The following SKAP1 variants were observed in gnomAD, a reference collection of about 807,000 sequenced individuals.
SKAP1 encodes the protein src kinase associated phosphoprotein 1.
SKAP1 carries 44 observed loss-of-function variants against 58.5 expected under a neutral mutation model. That is an observed-to-expected ratio of 0.75 (90% CI 0.59 to 0.97). SKAP1 has a LOEUF of 0.97. Among genes scored for constraint, SKAP1 ranks in the 50% least tolerant of loss-of-function variants. SKAP1 has a pLI of 0.00. For synonymous variants in SKAP1, 127 were observed against 149.7 expected (o/e 0.85, Z 1.11); for missense variants, 390 against 435.2 (o/e 0.90, Z 0.92).
At chr17:48,242,529 A>T (rs1420220818) in intron 4 of SKAP1, among the ~76,000 whole-genome samples, 1 of 152,212 alleles carries the variant, frequency 6.6e-6, no homozygotes, top group East Asian at 1.9e-4. Context: ...AAAGGGAACA[A>T]ACCCTCAACA....
intron 4 of SKAP1, among the ~76,000 whole-genome samples, chr17:48,291,770 CTCA>C (rs78213379): frequency 0.03 from 4,502 of 152,234 alleles, 108 homozygotes; most frequent in Non-Finnish European, 0.047. Flanking sequence ...ACAAGTCTGC[CTCA>C]TCATTAAGAA....
chr17:48,410,934 CAAAAAAAAAAA>C (rs61705374), intron 1 of SKAP1, among the ~76,000 whole-genome samples: 54 of 66,972 alleles, frequency 8.1e-4, no homozygotes, highest in African/African-American at 1.1e-3. Flanking sequence ...GACTCCATTT[CAAAAAAAAAAA>C]AAAAAAAAAA....
At chr17:48,417,780 T>A (rs1416682967) in intron 1 of SKAP1, among the ~76,000 whole-genome samples, 1 of 151,456 alleles carries the variant, frequency 6.6e-6, no homozygotes, top group East Asian at 1.9e-4. Context: ...AAATTCTGCA[T>A]ATGTACACTA....
At chr17:48,371,693 C>T (rs2067088889) in intron 2 of SKAP1, among the ~76,000 whole-genome samples, 1 of 119,656 alleles carries the variant, frequency 8.4e-6, no homozygotes, top group Non-Finnish European at 1.7e-5. Flanking sequence ...AAAAGCCAGG[C>T]ATGGTGGTGC....
chr17:48,409,540 G>A (rs774772351), intron 1 of SKAP1, among the ~76,000 whole-genome samples: 15 of 151,930 alleles, frequency 9.9e-5, no homozygotes, highest in Non-Finnish European at 1.5e-4. Flanking sequence ...ATGGTGGCAC[G>A]TACCTGTAGT....
chr17:48,392,443 G>A (rs1257184399), intron 2 of SKAP1, among the ~76,000 whole-genome samples: 1 of 152,076 alleles, frequency 6.6e-6, no homozygotes, highest in Non-Finnish European at 1.5e-5. Context: ...TTTCACAGAA[G>A]GAAACAATAC....
chr17:48,335,309 A>G (rs533260197), intron 4 of SKAP1, among the ~76,000 whole-genome samples: 147 of 152,052 alleles, frequency 9.7e-4, no homozygotes, highest in Non-Finnish European at 1.8e-3. Flanking sequence ...AAAACAAACT[A>G]AGGGATAGTG....
At chr17:48,391,784 C>CTTT (rs35958466) in intron 2 of SKAP1, among the ~76,000 whole-genome samples, 23 of 130,856 alleles carry the variant, frequency 1.8e-4, no homozygotes, top group Non-Finnish European at 2.7e-4. Flanking sequence ...CTACCTCTTC[C>CTTT]TTTTTTTTTT....
chr17:48,406,213 C>T (rs1036914348), intron 1 of SKAP1, among the ~76,000 whole-genome samples: 8 of 151,448 alleles, frequency 5.3e-5, no homozygotes, highest in South Asian at 2.1e-4. Context: ...TGCAGTGAGC[C>T]GAGATCATGC....
chr17:48,266,140 A>G (rs1471210931), intron 4 of SKAP1, among the ~76,000 whole-genome samples: 1 of 152,098 alleles, frequency 6.6e-6, no homozygotes, highest in African/African-American at 2.4e-5. Flanking sequence ...ACCTACACAC[A>G]CCCACACACA....
chr17:48,253,503 G>A (rs975823436), intron 4 of SKAP1, among the ~76,000 whole-genome samples: 1 of 152,116 alleles, frequency 6.6e-6, no homozygotes, highest in Non-Finnish European at 1.5e-5. Context: ...AATTACACGT[G>A]GCATTTCTTG....
intron 4 of SKAP1, among the ~76,000 whole-genome samples, chr17:48,320,156 T>G (rs2066342438): frequency 6.6e-6 from 1 of 152,130 alleles, no homozygotes; most frequent in South Asian, 2.1e-4. Context: ...ATATCTATTA[T>G]TACCAAGAAA....
Position 48,205,009 on chromosome 17 carries a change from CTTTCTTTTTCTTTCTTTCTTTCTTTCTT to C in SKAP1, c.281-15537_281-15510del, listed in dbSNP as rs1161546048. ...TCTTTCTTTCTTTCTTTCTTTCTTT[CTTTCTTTTTCTTTCTTTCTTTCTTTCTT>C]TCTCTCTCTCTCTTTCTTTCTTCTT... On this transcript the variant is annotated intron_variant, in intron 4 of 12. Transcript: ENST00000336915. Among the ~76,000 whole-genome samples the C allele has an allele frequency of 6.9e-3, 229 of 32,982 alleles. 2 individuals are homozygous for C. The highest frequency in any genetic ancestry group is 0.018 in the African/African-American group (121 of 6,558). The allele number at this position is 32,982 out of a possible 152,430, so 21.6% of individuals were successfully genotyped here. A position where few individuals can be genotyped will look rare whatever the true frequency, so the allele number is the denominator to read the frequency against.
At chr17:48,274,022 C>T (rs1393513038) in intron 4 of SKAP1, among the ~76,000 whole-genome samples, 2 of 152,282 alleles carry the variant, frequency 1.3e-5, no homozygotes, top group East Asian at 3.9e-4. Context: ...TTCCTAGGCT[C>T]AAGGGATCCT....
At chr17:48,395,876 G>T (rs758600928) in intron 2 of SKAP1, among the ~76,000 whole-genome samples, 3 of 152,196 alleles carry the variant, frequency 2.0e-5, no homozygotes, top group African/African-American at 4.8e-5. Flanking sequence ...TTTCAATGAG[G>T]TTTTTAGAGC....
intron 2 of SKAP1, among the ~76,000 whole-genome samples, chr17:48,392,861 A>AT (rs1310669138): frequency 8.2e-5 from 11 of 133,424 alleles, no homozygotes; most frequent in Admixed American, 4.1e-4. Context: ...GTCTCAAAAA[A>AT]AATATATATA....
intron 1 of SKAP1, among the ~76,000 whole-genome samples, chr17:48,398,534 C>T (rs958416310): frequency 6.6e-6 from 1 of 152,170 alleles, no homozygotes; most frequent in Non-Finnish European, 1.5e-5. Flanking sequence ...ACCATCCCCC[C>T]ACCCCCGGTC....
chr17:48,147,357 G>A (rs960882351), intron 11 of SKAP1, among the ~76,000 whole-genome samples: 8 of 152,194 alleles, frequency 5.3e-5, no homozygotes, highest in East Asian at 1.9e-4. Flanking sequence ...CCTAAGCAGA[G>A]TAACTTGTAC....
chr17:48,142,450 G>A (rs1345112828), intron 11 of SKAP1, among the ~76,000 whole-genome samples: 1 of 152,000 alleles, frequency 6.6e-6, no homozygotes, highest in African/African-American at 2.4e-5. Context: ...CAACAAGAGC[G>A]AAACTCCATC....
Sources: gnomAD v4.1 joint callset for allele counts (sites outside exome capture counted in the v4.1 genomes callset) on GRCh38, gnomAD v4.1.1 for gene constraint, MANE v1.5 for transcripts, NCBI Gene and HGNC (gene_info 2026-07-23, HGNC 2026-07-21) for gene names.